The following FRMD4A variants were observed in gnomAD, a reference collection of about 807,000 sequenced individuals.
The protein encoded by FRMD4A is FERM domain-containing protein 4A.
FRMD4A carries 29 observed loss-of-function variants against 129.1 expected under a neutral mutation model. The ratio of observed to expected loss-of-function variants is 0.22; its 90% CI spans 0.17 to 0.31. FRMD4A has a LOEUF of 0.31. Ranked by LOEUF, FRMD4A falls within the 10% of genes least tolerant of loss-of-function variation. FRMD4A has a pLI of 1.00. For missense variants in FRMD4A, 1,272 were observed against 1,375.8 expected, an observed-to-expected ratio of 0.92 and a Z score of 1.19; for synonymous variants, 634 against 571.6, an observed-to-expected ratio of 1.11 and a Z score of -1.56.
intron 8 of FRMD4A, among the ~76,000 whole-genome samples, chr10:13,750,493 C>T (rs987515816): frequency 6.6e-6 from 1 of 152,208 alleles, no homozygotes; most frequent in African/African-American, 2.4e-5. Context: ...TCAATCCAAA[C>T]AGCAGACACG....
At position 13,699,224 on chromosome 10, in the gene FRMD4A, G is replaced by GTTTTTTTTTTTT. The variant is rs1168489802; in HGVS notation, c.975+2104_975+2115dup. 9.9e-3 allele frequency among the ~76,000 whole-genome samples: 752 copies of GTTTTTTTTTTTT among 76,066 alleles called. 5 individuals carry two copies. Among genetic ancestry groups the GTTTTTTTTTTTT allele is most frequent in the East Asian group, 0.015 (29 of 1,940 alleles). The allele number at this position is 76,066 out of a possible 152,430, so 49.9% of individuals were successfully genotyped here. On this transcript the variant is annotated intron_variant, in intron 14 of 24. Transcript: ENST00000357447. ...ATGCCTGCCACGATGCTTGGTTATTGTTTTTTTTTTTTTTTTTTTTTTTTG... is the reference window on the plus strand; with the variant it reads ...ATGCCTGCCACGATGCTTGGTTATTGTTTTTTTTTTTTTTTTTTTTTTTTTTTTTTTTTTTTG...
intron 2 of FRMD4A, among the ~76,000 whole-genome samples, chr10:14,149,014 T>A (rs1306810946): frequency 6.6e-6 from 1 of 152,132 alleles, no homozygotes; most frequent in African/African-American, 2.4e-5. Flanking sequence ...AAACCTAATT[T>A]ACACACCAGA....
intron 2 of FRMD4A, among the ~76,000 whole-genome samples, chr10:13,952,800 T>A (rs940214590): frequency 3.9e-5 from 6 of 152,134 alleles, no homozygotes; most frequent in Non-Finnish European, 8.8e-5. Context: ...TTCAAGTGAT[T>A]CTCCTGCCTC....
intron 2 of FRMD4A, among the ~76,000 whole-genome samples, chr10:14,065,148 A>T (rs1834994868): frequency 6.6e-6 from 1 of 152,212 alleles, no homozygotes; most frequent in East Asian, 1.9e-4. Flanking sequence ...ACAGATAGAG[A>T]ATAGCCTCGC....
intron 2 of FRMD4A, among the ~76,000 whole-genome samples, chr10:13,921,620 C>T (rs1442870463): frequency 6.6e-6 from 1 of 152,122 alleles, no homozygotes; most frequent in African/African-American, 2.4e-5. Context: ...ACCCTCATAA[C>T]CTAATGGCCT....
At chr10:14,009,800 G>C (rs2095674707) in intron 2 of FRMD4A, among the ~76,000 whole-genome samples, 1 of 88,482 alleles carries the variant, frequency 1.1e-5, no homozygotes, top group African/African-American at 2.8e-5. Context: ...GAGTCAGTGA[G>C]AGGGTGAGAG....
At chr10:14,193,461 CCCA>C (rs1842378629) in intron 2 of FRMD4A, among the ~76,000 whole-genome samples, 1 of 102,868 alleles carries the variant, frequency 9.7e-6, no homozygotes, top group Non-Finnish European at 1.9e-5. Flanking sequence ...CATACATACA[CCCA>C]CCCACCCACC....
intron 2 of FRMD4A, among the ~76,000 whole-genome samples, chr10:14,036,734 C>G (rs1249208061): frequency 6.6e-6 from 1 of 152,114 alleles, no homozygotes; most frequent in African/African-American, 2.4e-5. Flanking sequence ...AGGCTATTGA[C>G]CATTATACTC....
chr10:13,915,827 C>T (rs952334455), intron 2 of FRMD4A, among the ~76,000 whole-genome samples: 5 of 152,156 alleles, frequency 3.3e-5, no homozygotes, highest in Non-Finnish European at 7.3e-5. Flanking sequence ...CCTGTGCTCC[C>T]GCTGCAGAGG....
At chr10:14,106,063 T>C (rs971529484) in intron 2 of FRMD4A, among the ~76,000 whole-genome samples, 3 of 152,236 alleles carry the variant, frequency 2.0e-5, no homozygotes, top group Admixed American at 6.5e-5. Context: ...ATATCATTTA[T>C]TAGTTAGAAT....
At chr10:14,022,183 A>G (rs2131647137) in intron 2 of FRMD4A, among the ~76,000 whole-genome samples, 1 of 152,348 alleles carries the variant, frequency 6.6e-6, no homozygotes, top group Middle Eastern at 3.4e-3. Context: ...AGGTCAACAA[A>G]TAATGAGTGG....
intron 15 of FRMD4A, among the ~76,000 whole-genome samples, chr10:13,690,413 C>T (rs77472219): frequency 0.03 from 4,609 of 152,300 alleles, 138 homozygotes; most frequent in African/African-American, 0.079. Flanking sequence ...CGTCAGCCAT[C>T]CCAGCGGGAG....
At chr10:14,175,989 A>G (rs1032941980) in intron 2 of FRMD4A, among the ~76,000 whole-genome samples, 3 of 152,210 alleles carry the variant, frequency 2.0e-5, no homozygotes, top group Admixed American at 2.0e-4. Context: ...ATAAAAGATT[A>G]TTGCCATTTC....
chr10:14,222,144 A>G (rs1030221168), intron 2 of FRMD4A, among the ~76,000 whole-genome samples: 1 of 152,208 alleles, frequency 6.6e-6, no homozygotes, highest in African/African-American at 2.4e-5. Context: ...TCGATATTCA[A>G]ATGAGACTCA....
intron 2 of FRMD4A, among the ~76,000 whole-genome samples, chr10:14,072,845 G>A (rs932108974): frequency 1.3e-5 from 2 of 152,080 alleles, no homozygotes; most frequent in African/African-American, 2.4e-5. Context: ...GCAATAAAAC[G>A]TGCTTCCGGA....
chr10:14,150,735 GT>G (rs1351737949), intron 2 of FRMD4A, among the ~76,000 whole-genome samples: 3 of 152,022 alleles, frequency 2.0e-5, no homozygotes, highest in Non-Finnish European at 4.4e-5. Context: ...ATCCCAGGAG[GT>G]TTCCTAGGAA....
chr10:13,653,335 G>A (rs1257889492), intron 23 of FRMD4A: 1 of 152,298 alleles, frequency 6.6e-6, no homozygotes, highest in Non-Finnish European at 1.5e-5. Context: ...CCAACGTGGT[G>A]AAACCCTGTC....
At chr10:14,098,564 C>T (rs1837126451) in intron 2 of FRMD4A, among the ~76,000 whole-genome samples, 1 of 152,224 alleles carries the variant, frequency 6.6e-6, no homozygotes, top group Admixed American at 6.5e-5. Context: ...CCAGCATGCC[C>T]GGCTAATTTT....
At chr10:14,287,324 A>C (rs1477685843) in intron 2 of FRMD4A, among the ~76,000 whole-genome samples, 2 of 152,212 alleles carry the variant, frequency 1.3e-5, no homozygotes, top group East Asian at 3.8e-4. Context: ...ACTAGCCTGC[A>C]AGTTCCCTAA....
Sources: allele counts gnomAD v4.1 joint callset (sites outside exome capture counted in the v4.1 genomes callset), GRCh38; gene constraint gnomAD v4.1.1; transcripts MANE v1.5; gene names NCBI Gene and HGNC (gene_info 2026-07-23, HGNC 2026-07-21).